ANOS1: variants seen among roughly 807,000 people sequenced by gnomAD.
The protein encoded by ANOS1 is anosmin-1.
A neutral mutation model predicts 59.0 loss-of-function variants in ANOS1; 6 were observed. The observed-to-expected ratio is 0.10, with a 90% CI of 0.06 to 0.20. The LOEUF (loss-of-function observed/expected upper bound fraction) is 0.20. ANOS1 is among the 10% of genes least tolerant of loss of function. ANOS1 has a pLI of 1.00. For synonymous variants in ANOS1, 217 were observed against 223.4 expected, an observed-to-expected ratio of 0.97 and a Z score of 0.25; for missense variants, 433 against 542.3, an observed-to-expected ratio of 0.80 and a Z score of 2.00.
chrX:8,631,651 G>A (rs968425339), intron 2 of ANOS1, among the ~76,000 whole-genome samples: 3 of 111,911 alleles, frequency 2.7e-5, no homozygotes, highest in Non-Finnish European at 5.6e-5. Flanking sequence ...AACGGAGGAA[G>A]TCTGACTGAA....
chrX:8,686,352 A>C (rs1279009762), intron 2 of ANOS1, among the ~76,000 whole-genome samples: 1 of 111,783 alleles, frequency 8.9e-6, no homozygotes, highest in Admixed American at 9.5e-5. Flanking sequence ...AATTCAAGAC[A>C]ATTTACAAAG....
At chrX:8,554,198 C>T (rs996804141) in intron 8 of ANOS1, 100 bp from the exon 9 acceptor site, 14 of 640,590 alleles carry the variant, frequency 2.2e-5, no homozygotes, top group East Asian at 3.5e-5. Flanking sequence ...CAGCTTCCAG[C>T]GAGAACAACA....
At chrX:8,621,910 T>C (rs1422030043) in intron 3 of ANOS1, among the ~76,000 whole-genome samples, 2 of 111,849 alleles carry the variant, frequency 1.8e-5, no homozygotes, top group African/African-American at 3.3e-5. Context: ...AAAAAGTTCA[T>C]GTTGAATAAA....
intron 5 of ANOS1, among the ~76,000 whole-genome samples, chrX:8,587,409 A>G (rs1485346318): frequency 5.4e-5 from 6 of 111,856 alleles, no homozygotes; most frequent in African/African-American, 9.8e-5. Context: ...TAAATGCAGG[A>G]GAAACAGAAG....
At chrX:8,560,032 C>A (rs920781241) in intron 8 of ANOS1, among the ~76,000 whole-genome samples, 1 of 111,742 alleles carries the variant, frequency 8.9e-6, no homozygotes, top group African/African-American at 3.3e-5. Flanking sequence ...AAATATATTA[C>A]CAAATGCTCA....
chrX:8,729,147 T>C (rs1431837221), intron 1 of ANOS1, among the ~76,000 whole-genome samples: 2 of 111,337 alleles, frequency 1.8e-5, no homozygotes, highest in African/African-American at 6.5e-5. Context: ...GCTTTCATAA[T>C]TGAGAGTCCA....
At chrX:8,721,268 T>C (rs184064768) in intron 1 of ANOS1, among the ~76,000 whole-genome samples, 1 of 111,654 alleles carries the variant, frequency 9.0e-6, no homozygotes, top group Admixed American at 9.5e-5. Flanking sequence ...CTGTTTCCCC[T>C]CTGTCTTCTC....
intron 2 of ANOS1, among the ~76,000 whole-genome samples, chrX:8,655,196 G>C (rs1329208786): frequency 6.3e-5 from 7 of 111,463 alleles, no homozygotes; most frequent in Non-Finnish European, 1.1e-4. Context: ...ATCAGTGTGA[G>C]CCCTGAGCTT....
At chrX:8,552,650 C>T (rs1429267808) in intron 9 of ANOS1, among the ~76,000 whole-genome samples, 1 of 111,570 alleles carries the variant, frequency 9.0e-6, no homozygotes, top group Non-Finnish European at 1.9e-5. Flanking sequence ...GTGGTGGTTA[C>T]TCTTGTATGC....
intron 2 of ANOS1, among the ~76,000 whole-genome samples, chrX:8,685,597 GAAGAAAGAAAGAAAGAAAGA>G (rs557905634): frequency 0.028 from 1,608 of 57,219 alleles, 58 homozygotes; most frequent in African/African-American, 0.098. Context: ...AGAAAGAAAG[GAAGAAAGAAAGAAAGAAAGA>G]AAGAAAGAAA....
chrX:8,700,459 C>T (rs1392135472), intron 1 of ANOS1, among the ~76,000 whole-genome samples: 1 of 111,669 alleles, frequency 9.0e-6, no homozygotes, highest in African/African-American at 3.3e-5. Context: ...AAATCCACCT[C>T]TATGATCCAA....
chrX:8,673,365 G>A (rs1278857412), intron 2 of ANOS1, among the ~76,000 whole-genome samples: 2 of 107,142 alleles, frequency 1.9e-5, no homozygotes, highest in Non-Finnish European at 3.8e-5. Context: ...GCAATTTTAT[G>A]CAACATGACG....
chrX:8,699,759 A>G lies in ANOS1; in HGVS notation c.208-14T>C. On this transcript the variant is annotated splice_polypyrimidine_tract_variant and intron_variant, in intron 1 of 13. Coordinates refer to ENST00000262648, the MANE Select transcript of ANOS1 (RefSeq NM_000216.4). Reference sequence around the variant, plus strand: ...GGAACCATTGTTCTGCAAAAAGAAAAAGGAAAAATATTGATCCATTAGAAA... The same window carrying G: ...GGAACCATTGTTCTGCAAAAAGAAAGAGGAAAAATATTGATCCATTAGAAA... 1 of 1,164,797 alleles carries G rather than the reference A, an allele frequency of 8.6e-7. No homozygotes were observed.
intron 6 of ANOS1, among the ~76,000 whole-genome samples, chrX:8,581,367 C>T (rs986984794): frequency 3.6e-5 from 4 of 111,737 alleles, no homozygotes; most frequent in Admixed American, 2.9e-4. Context: ...CCTCCCCAGC[C>T]ATGTGGAACT....
intron 2 of ANOS1, among the ~76,000 whole-genome samples, chrX:8,667,915 T>G (rs1932178430): frequency 1.8e-5 from 2 of 111,612 alleles, no homozygotes; most frequent in South Asian, 7.5e-4. Flanking sequence ...CACTCTTGCC[T>G]TCCCCATATG....
chrX:8,573,299 G>T (rs1181665352), intron 6 of ANOS1, among the ~76,000 whole-genome samples: 8 of 110,808 alleles, frequency 7.2e-5, no homozygotes, highest in African/African-American at 9.9e-5. Context: ...CTGACATCAG[G>T]TGATCCACTC....
intron 3 of ANOS1, among the ~76,000 whole-genome samples, chrX:8,610,030 A>C (rs866602570): frequency 1.3e-4 from 11 of 83,007 alleles, no homozygotes; most frequent in Admixed American, 1.5e-4. Context: ...AAAAAAAAAA[A>C]AAAAACAACA....
At chrX:8,574,086 G>C (rs145661281) in intron 6 of ANOS1, among the ~76,000 whole-genome samples, 1,880 of 110,180 alleles carry the variant, frequency 0.017, 20 homozygotes, top group Non-Finnish European at 0.029. Context: ...CCGTGCCTCA[G>C]TTACCTCCCA....
intron 3 of ANOS1, among the ~76,000 whole-genome samples, chrX:8,612,194 G>C (rs1931070414): frequency 8.9e-6 from 1 of 111,877 alleles, no homozygotes; most frequent in Non-Finnish European, 1.9e-5. Context: ...CTAGAAATCA[G>C]TAGGAAGATA....
Sources: allele counts gnomAD v4.1 joint callset (sites outside exome capture counted in the v4.1 genomes callset), GRCh38; gene constraint gnomAD v4.1.1; transcripts MANE v1.5; gene names NCBI Gene and HGNC (gene_info 2026-07-23, HGNC 2026-07-21).